The following PPP2R5C variants were observed in gnomAD, a reference collection of about 807,000 sequenced individuals.
PPP2R5C encodes protein phosphatase 2 regulatory subunit B'gamma, also known as serine/threonine-protein phosphatase 2A 56 kDa regulatory subunit gamma isoform.
Under a neutral mutation model 68.9 loss-of-function variants are expected in PPP2R5C, and 7 were observed. The ratio of observed to expected loss-of-function variants is 0.10; its 90% CI spans 0.06 to 0.19. PPP2R5C has a LOEUF of 0.19. Among genes scored for constraint, PPP2R5C ranks in the 10% least tolerant of loss-of-function variants. The pLI, the probability that PPP2R5C is intolerant of heterozygous loss-of-function variation, is 1.00. For missense variants in PPP2R5C, 348 were observed against 641.3 expected (o/e 0.54, Z 4.94); for synonymous variants, 210 against 222.2 (o/e 0.95, Z 0.49).
At chr14:101,834,692 A>G (rs1023766176) in intron 1 of PPP2R5C, among the ~76,000 whole-genome samples, 1 of 152,204 alleles carries the variant, frequency 6.6e-6, no homozygotes, top group African/African-American at 2.4e-5. Flanking sequence ...AGGATTTATT[A>G]AGATATTAAT....
intron 11 of PPP2R5C, 124 bp from the exon 14 acceptor site, chr14:101,912,277 A>G: frequency 1.5e-6 from 1 of 662,170 alleles, no homozygotes; most frequent in Non-Finnish European, 2.4e-6. Flanking sequence ...AGTGTGGGGA[A>G]ATGGAGCAGG....
At chr14:101,878,731 G>T (rs2043955192) in intron 2 of PPP2R5C, among the ~76,000 whole-genome samples, 1 of 152,196 alleles carries the variant, frequency 6.6e-6, no homozygotes, top group South Asian at 2.1e-4. Context: ...GGTCTCACAG[G>T]CCTCTCAGCT....
rs2040350724 is a variant in PPP2R5C, at chr14:101,825,566, G to C, written c.94+15530G>C. On this transcript the variant is annotated intron_variant, in intron 1 of 13. Coordinates refer to ENST00000334743, the Ensembl canonical transcript of PPP2R5C. This position sits in a 1 kb window ranked among gnomAD's most constrained non-coding sequence, Gnocchi z 4.0. ...ACAGCATGCAGGCGGAACTGTGCAGGTCAGTCACCACTCCACCTCCTAGCC... is the reference window on the plus strand; with the variant it reads ...ACAGCATGCAGGCGGAACTGTGCAGCTCAGTCACCACTCCACCTCCTAGCC... 6.6e-6 allele frequency among the ~76,000 whole-genome samples: 1 copy of C among 152,134 alleles called. No homozygotes were observed.
intron 13 of PPP2R5C, chr14:101,921,214 C>A: frequency 4.2e-6 from 1 of 240,688 alleles, no homozygotes; most frequent in South Asian, 3.5e-5. Context: ...ACTACCGGCA[C>A]CACCACACTC....
Position 101,915,163 on chromosome 14 carries a change from G to A in PPP2R5C, c.1327-2668G>A, listed in dbSNP as rs945950802. Among the ~76,000 whole-genome samples, 1 of 152,022 alleles carries A rather than the reference G, an allele frequency of 6.6e-6. No homozygotes were observed. The highest frequency in any genetic ancestry group is 2.1e-4 in the South Asian group (1 of 4,822). ...GTGATCTCGGCTCACCACAACCTCC[G>A]CCTCCCAGGTTCAAGCAGTCCTCCG... On this transcript the variant is annotated intron_variant, in intron 12 of 13. Coordinates refer to ENST00000334743, the Ensembl canonical transcript of PPP2R5C. The surrounding 1 kb of genome is among the most constrained non-coding windows in gnomAD (Gnocchi z 4.2).
chr14:101,761,165 C>G (rs2036505237), upstream of PPP2R5C, among the ~76,000 whole-genome samples: 1 of 152,124 alleles, frequency 6.6e-6, no homozygotes, highest in South Asian at 2.1e-4. Flanking sequence ...TCCCCGTGCG[C>G]CTCAGTGCAA....
intron 3 of PPP2R5C, among the ~76,000 whole-genome samples, chr14:101,793,970 T>A (rs1357316935): frequency 1.3e-5 from 2 of 152,184 alleles, no homozygotes; most frequent in African/African-American, 2.4e-5. Flanking sequence ...CCAACTCTAG[T>A]CTCCTATGTC....
intron 2 of PPP2R5C, chr14:101,766,370 T>C (rs116844451): frequency 0.018 from 2,817 of 152,324 alleles, 41 homozygotes; most frequent in Non-Finnish European, 0.025. Context: ...ACCTAACTTG[T>C]GTGACCCTGT....
chr14:101,761,472 G>A (rs2036521419), upstream of PPP2R5C, among the ~76,000 whole-genome samples: 2 of 149,466 alleles, frequency 1.3e-5, no homozygotes, highest in Admixed American at 6.6e-5. Flanking sequence ...GGAGGGCGGG[G>A]GCGTGAACGG....
intron 2 of PPP2R5C, chr14:101,765,611 T>A (rs111253429): frequency 0.12 from 21,553 of 179,526 alleles, 1,554 homozygotes; most frequent in African/African-American, 0.17. Flanking sequence ...TCTTGTTCCC[T>A]GGCTGGAGTG....
upstream of PPP2R5C, among the ~76,000 whole-genome samples, chr14:101,761,429 C>T (rs976617901): frequency 2.0e-5 from 3 of 151,740 alleles, no homozygotes; most frequent in East Asian, 3.9e-4. Context: ...GAGGCCGCGG[C>T]CTGCCTGAGG....
upstream of PPP2R5C, among the ~76,000 whole-genome samples, chr14:101,761,098 G>A (rs1242250923): frequency 6.7e-6 from 1 of 148,976 alleles, no homozygotes; most frequent in Admixed American, 6.6e-5. Context: ...AGGGAAGGGA[G>A]GGGAGGCGGG....
At chr14:101,841,559 A>G (rs1264194158) in intron 1 of PPP2R5C, among the ~76,000 whole-genome samples, 1 of 152,164 alleles carries the variant, frequency 6.6e-6, no homozygotes, top group Non-Finnish European at 1.5e-5. Context: ...GCCTCCGGAG[A>G]TGAGGCTCCC....
At chr14:101,850,890 G>T (rs1199054297) in intron 1 of PPP2R5C, among the ~76,000 whole-genome samples, 1 of 152,218 alleles carries the variant, frequency 6.6e-6, no homozygotes, top group Non-Finnish European at 1.5e-5. Flanking sequence ...GACATAGAGG[G>T]GAGTGGAATT....
At chr14:101,903,153 A>G (rs1395530758) in intron 9 of PPP2R5C, among the ~76,000 whole-genome samples, 2 of 152,032 alleles carry the variant, frequency 1.3e-5, no homozygotes, top group African/African-American at 4.8e-5. Flanking sequence ...CCCTGGCTGA[A>G]GTACAGGGCG....
intron 9 of PPP2R5C, among the ~76,000 whole-genome samples, chr14:101,902,490 G>A (rs1194179605): frequency 3.3e-5 from 5 of 152,126 alleles, no homozygotes; most frequent in Non-Finnish European, 7.3e-5. Context: ...TCTGTTGGAC[G>A]TGCTAGCCAC....
rs144993962 is a variant in PPP2R5C at position 101,788,245 on chromosome 14, C to T, written c.259+2062C>T. Among the ~76,000 whole-genome samples, 394 of 152,292 alleles carry T rather than the reference C, an allele frequency of 2.6e-3. 4 individuals are homozygous for T. Among genetic ancestry groups the T allele is most frequent in the African/African-American group, 8.4e-3 (349 of 41,536 alleles). ...GTGCCCCATTTTTCCATGCATGCCC[C>T]GCCTCAGCCAGTGCATGCTGGGTGT... On this transcript the variant is annotated intron_variant, in intron 3 of 14. Coordinates refer to the PPP2R5C transcript ENST00000328724.
At chr14:101,814,431 G>A (rs539271631) in intron 1 of PPP2R5C, among the ~76,000 whole-genome samples, 2 of 152,274 alleles carry the variant, frequency 1.3e-5, no homozygotes, top group South Asian at 4.1e-4. Flanking sequence ...TGAGGAAACA[G>A]GGGTGGGTAT....
intron 2 of PPP2R5C, among the ~76,000 whole-genome samples, chr14:101,860,847 G>A (rs908896128): frequency 1.3e-5 from 2 of 152,116 alleles, no homozygotes; most frequent in Non-Finnish European, 2.9e-5. Context: ...TAATGGAAAC[G>A]TCCTGATCAT....
Sources: allele counts gnomAD v4.1 joint callset (sites outside exome capture counted in the v4.1 genomes callset), GRCh38; gene constraint gnomAD v4.1.1; non-coding constraint Gnocchi (gnomAD v3.1); transcripts MANE v1.5; gene names NCBI Gene and HGNC (gene_info 2026-07-23, HGNC 2026-07-21).